PPP1R9A: variants seen among roughly 807,000 people sequenced by gnomAD.
The protein encoded by PPP1R9A is protein phosphatase 1 regulatory subunit 9A.
PPP1R9A carries 59 observed loss-of-function variants against 141.9 expected under a neutral mutation model. The ratio of observed to expected loss-of-function variants is 0.42; its 90% CI spans 0.34 to 0.52. The LOEUF is 0.52. PPP1R9A is among the 20% of genes least tolerant of loss of function. The pLI, the probability that PPP1R9A is intolerant of heterozygous loss-of-function variation, is 0.10. For synonymous variants in PPP1R9A, 500 were observed against 569.7 expected (o/e 0.88, Z 1.74); for missense variants, 1,444 against 1,611.9 (o/e 0.90, Z 1.78).
chr7:95,159,973 T>G (rs1023038759), intron 4 of PPP1R9A, among the ~76,000 whole-genome samples: 2 of 149,134 alleles, frequency 1.3e-5, no homozygotes, highest in African/African-American at 4.9e-5. Flanking sequence ...GTGACTCAAA[T>G]ATAGCACAAT....
At chr7:95,003,014 TA>T (rs950361632) in intron 2 of PPP1R9A, among the ~76,000 whole-genome samples, 1 of 152,180 alleles carries the variant, frequency 6.6e-6, no homozygotes, top group African/African-American at 2.4e-5. Flanking sequence ...TCATAACTTG[TA>T]AAAAAAGTCC....
At chr7:95,143,746 C>A (rs183892956) in intron 4 of PPP1R9A, among the ~76,000 whole-genome samples, 1 of 152,138 alleles carries the variant, frequency 6.6e-6, no homozygotes, top group Non-Finnish European at 1.5e-5. Context: ...GCATTATTAT[C>A]TAGCAAGTAT....
intron 6 of PPP1R9A, among the ~76,000 whole-genome samples, chr7:95,200,677 T>C (rs61267621): frequency 0.012 from 1,882 of 152,276 alleles, 47 homozygotes; most frequent in African/African-American, 0.042. Context: ...AAATGGAAGA[T>C]TGTTTATAGA....
rs1478515426 is a variant in PPP1R9A at position 94,910,526 on chromosome 7, A to G, written c.413A>G (p.Lys138Arg). 6.2e-7 allele frequency: 1 copy of G among 1,614,184 alleles called. No individual in the cohort carries two copies. Reference protein sequence around the residue: ...DTMYDGPSYSKFTETRKMFER... With the variant: ...DTMYDGPSYSRFTETRKMFER... ...ATGTACGATGGCCCTTCATATTCCAAGTTCACTGAGACTCGAAAGATGTTT... is the reference window on the plus strand; with the variant it reads ...ATGTACGATGGCCCTTCATATTCCAGGTTCACTGAGACTCGAAAGATGTTT... Residue 138 changes from lysine to arginine, a missense_variant, in exon 2 of 20, where the codon AAG becomes AGG. Physicochemically the swap from Lys to Arg is conservative, Grantham distance 26. Coordinates refer to ENST00000433360, the MANE Select transcript of PPP1R9A (RefSeq NM_001166160.2). The surrounding 1 kb of genome is among the most constrained non-coding windows in gnomAD (Gnocchi z 4.5).
At chr7:94,986,718 G>GTTCAATTGAAACAATTGAAATTGTACA (rs1563084823) in intron 2 of PPP1R9A, among the ~76,000 whole-genome samples, 3 of 152,178 alleles carry the variant, frequency 2.0e-5, no homozygotes, top group African/African-American at 7.2e-5. Context: ...ATAGCACACT[G>GTTCAATTGAAACAATTGAAATTGTACA]TATTCCATGA....
intron 2 of PPP1R9A, among the ~76,000 whole-genome samples, chr7:95,095,730 A>T (rs1186312926): frequency 2.0e-5 from 3 of 152,212 alleles, no homozygotes; most frequent in African/African-American, 7.2e-5. Context: ...AACATGGATC[A>T]CAGCTGCCCA....
At chr7:95,025,351 C>T (rs1483611396) in intron 2 of PPP1R9A, among the ~76,000 whole-genome samples, 1 of 152,118 alleles carries the variant, frequency 6.6e-6, no homozygotes, top group East Asian at 1.9e-4. Context: ...AGGCGTGAAC[C>T]ACTGTGCCTG....
rs1806519736 is a variant in PPP1R9A, at chr7:95,292,579, T to A, written c.*2276T>A. 1 of 152,316 alleles carries A rather than the reference T, an allele frequency of 6.6e-6. No individual in the cohort carries two copies. The highest frequency in any genetic ancestry group is 2.1e-4 in the South Asian group (1 of 4,834). The allele number at this position is 152,316 out of a possible 1,614,324, so 9.4% of individuals were successfully genotyped here. A position where few individuals can be genotyped will look rare whatever the true frequency, so the allele number is the denominator to read the frequency against. ...TAAATATCTTAGAAGTATTTTTCTT[T>A]ATAACTTTGTATATTGAATGTTTAG... On this transcript the variant is annotated 3_prime_UTR_variant, in exon 20 of 20. Transcript: ENST00000433360.
At chr7:95,263,042 T>G (rs969081422) in intron 12 of PPP1R9A, among the ~76,000 whole-genome samples, 2 of 152,044 alleles carry the variant, frequency 1.3e-5, no homozygotes, top group Non-Finnish European at 2.9e-5. Flanking sequence ...AGGCAGACAA[T>G]CACCACAGAT....
intron 12 of PPP1R9A, among the ~76,000 whole-genome samples, chr7:95,261,169 T>C (rs1213531529): frequency 6.6e-6 from 1 of 152,160 alleles, no homozygotes; most frequent in African/African-American, 2.4e-5. Flanking sequence ...TGGGTCACAG[T>C]GTTCACGTAA....
At chr7:95,068,030 A>G (rs1044666736) in intron 2 of PPP1R9A, among the ~76,000 whole-genome samples, 1 of 152,186 alleles carries the variant, frequency 6.6e-6, no homozygotes, top group Non-Finnish European at 1.5e-5. Flanking sequence ...CCCAGGTGAA[A>G]TAAACATCCT....
chr7:95,009,139 C>T (rs950614462), intron 2 of PPP1R9A, among the ~76,000 whole-genome samples: 13 of 151,592 alleles, frequency 8.6e-5, no homozygotes, highest in Non-Finnish European at 1.5e-4. Context: ...CATCACACAC[C>T]GGGGCCTGTC....
rs1258009168 is a variant in PPP1R9A, at chr7:95,137,584, T to C, written c.1649+16752T>C. Reference sequence around the variant, plus strand: ...GCAGGTAAATAAATGGAAACATACATGATGTTTGTAGAACAGAAGGCTCAC... The same window carrying C: ...GCAGGTAAATAAATGGAAACATACACGATGTTTGTAGAACAGAAGGCTCAC... On this transcript the variant is annotated intron_variant, in intron 4 of 19. Coordinates refer to ENST00000433360, the MANE Select transcript of PPP1R9A (RefSeq NM_001166160.2). Among the ~76,000 whole-genome samples, 3 of 152,174 alleles carry C rather than the reference T, an allele frequency of 2.0e-5. No individual in the cohort carries two copies. In the East Asian group the frequency reaches 5.8e-4, roughly 29 times the overall value.
chr7:95,041,930 T>C (rs562876446), intron 2 of PPP1R9A, among the ~76,000 whole-genome samples: 15 of 152,270 alleles, frequency 9.9e-5, no homozygotes, highest in African/African-American at 3.4e-4. Context: ...TACAACACTT[T>C]ACATGGCACC....
chr7:95,114,811 G>C (rs1218531195), intron 3 of PPP1R9A, among the ~76,000 whole-genome samples: 1 of 150,926 alleles, frequency 6.6e-6, no homozygotes, highest in Non-Finnish European at 1.5e-5. Context: ...TACATTCCTA[G>C]GTAGATGTTT....
intron 2 of PPP1R9A, among the ~76,000 whole-genome samples, chr7:95,100,319 T>TG: frequency 6.6e-6 from 1 of 152,218 alleles, no homozygotes; most frequent in African/African-American, 2.4e-5. Flanking sequence ...TTGAGGTGGT[T>TG]GGTGCTATTG....
At chr7:94,938,848 C>T (rs1196558650) in intron 2 of PPP1R9A, among the ~76,000 whole-genome samples, 1 of 152,060 alleles carries the variant, frequency 6.6e-6, no homozygotes, top group Admixed American at 6.6e-5. Context: ...CCATGCTGTA[C>T]GTAGTTGTGA....
At chr7:95,183,477 G>T (rs190539393) in intron 5 of PPP1R9A, among the ~76,000 whole-genome samples, 2 of 131,636 alleles carry the variant, frequency 1.5e-5, no homozygotes, top group African/African-American at 2.9e-5. Context: ...TTGAGACAGA[G>T]TCTTGCTCTG....
At chr7:95,284,797 T>C (rs1804971345) in intron 17 of PPP1R9A, among the ~76,000 whole-genome samples, 1 of 152,158 alleles carries the variant, frequency 6.6e-6, no homozygotes, top group South Asian at 2.1e-4. Flanking sequence ...TATGCATGGG[T>C]GTTACTTGTT....
Sources: gnomAD v4.1 joint callset for allele counts (sites outside exome capture counted in the v4.1 genomes callset) on GRCh38, gnomAD v4.1.1 for gene constraint, Gnocchi (gnomAD v3.1) non-coding constraint, MANE v1.5 for transcripts, NCBI Gene and HGNC (gene_info 2026-07-23, HGNC 2026-07-21) for gene names.